The following SYN2 variants were observed in gnomAD, a reference collection of about 807,000 sequenced individuals.
SYN2 encodes the protein synapsin-2.
In SYN2, 19 loss-of-function variants were observed where a neutral mutation model predicts 50.9. The ratio of observed to expected loss-of-function variants is 0.37; its 90% CI spans 0.26 to 0.55. SYN2 has a LOEUF of 0.55. SYN2 is among the 20% of genes least tolerant of loss of function. SYN2 has a pLI of 0.81. For synonymous variants in SYN2, 255 were observed against 224.9 expected (o/e 1.13, Z -1.20); for missense variants, 587 against 576.4 (o/e 1.02, Z -0.19).
In SYN2 at chr3:12,179,332, A is replaced by G. The variant is rs188467040; in HGVS notation, c.1309-3980A>G. Among the ~76,000 whole-genome samples, 478 of 147,502 alleles carry G rather than the reference A, an allele frequency of 3.2e-3. 2 individuals are homozygous for G. Among genetic ancestry groups the G allele is most frequent in the Non-Finnish European group, 5.2e-3 (349 of 66,994 alleles). The stretch of plus-strand genomic sequence containing the variant: ...AGGCTGGTCTGGAACTCTGTAGCTA[A>G]GAAGGGATTGTCTCAGTTCTCACAC... On this transcript the variant is annotated intron_variant, in intron 10 of 12. Coordinates refer to ENST00000621198, the MANE Select transcript of SYN2 (RefSeq NM_133625.6).
chr3:12,105,692 ATTTCAGGAGAACACAGGCAG>A (rs1475222578), intron 1 of SYN2, among the ~76,000 whole-genome samples: 1 of 151,972 alleles, frequency 6.6e-6, no homozygotes, highest in Non-Finnish European at 1.5e-5. Context: ...CTCTCTTAAG[ATTTCAGGAGAACACAGGCAG>A]TTCCAGGAGA....
chr3:12,147,065 G>A (rs912545868), intron 4 of SYN2, among the ~76,000 whole-genome samples: 12 of 152,132 alleles, frequency 7.9e-5, no homozygotes, highest in Admixed American at 3.9e-4. Context: ...GATGCAGTAA[G>A]CCCTTCTTGT....
intron 1 of SYN2, among the ~76,000 whole-genome samples, chr3:12,028,061 TC>T (rs1694303567): frequency 3.5e-5 from 4 of 113,882 alleles, no homozygotes; most frequent in African/African-American, 6.6e-5. Context: ...AGTGTGATAT[TC>T]CCCTTCCTGT....
At chr3:12,153,231 G>T (rs549809998) in intron 5 of SYN2, 1 of 503,986 alleles carries the variant, frequency 2.0e-6, no homozygotes, top group African/African-American at 1.9e-5. Flanking sequence ...GGGGAGGAAA[G>T]GGAATAGTCC....
intron 1 of SYN2, among the ~76,000 whole-genome samples, chr3:12,071,859 G>A (rs1484760520): frequency 1.3e-5 from 2 of 152,194 alleles, no homozygotes; most frequent in African/African-American, 2.4e-5. Context: ...TTTCTTAGCT[G>A]ATGTTTTCCT....
chr3:12,189,495 G>A (rs1698406940), intron 12 of SYN2, among the ~76,000 whole-genome samples: 1 of 152,170 alleles, frequency 6.6e-6, no homozygotes, highest in Non-Finnish European at 1.5e-5. Context: ...TTACAAGGGT[G>A]GTTACTACAT....
At chr3:12,169,281 G>A (rs777458320) in intron 9 of SYN2, among the ~76,000 whole-genome samples, 17 of 152,144 alleles carry the variant, frequency 1.1e-4, no homozygotes, top group Non-Finnish European at 2.5e-4. Context: ...AAAAGGGAGG[G>A]CAACCCAGTT....
rs889926878 is a variant in SYN2 at position 12,185,741 on chromosome 3, T to C, written c.1370-1628T>C. On this transcript the variant is annotated intron_variant, in intron 11 of 12. Coordinates refer to ENST00000621198, the MANE Select transcript of SYN2 (RefSeq NM_133625.6). The stretch of plus-strand genomic sequence containing the variant: ...AGTTATATCTGTCTTCAGTGTTAAG[T>C]TGTAACGTTTCTGGCTATCCAAGTA... 3.0e-6 allele frequency: 3 copies of C among 985,780 alleles called. No individual in the cohort carries two copies. In the African/African-American group the frequency reaches 5.2e-5, roughly 17 times the overall value. 61.1% of individuals were successfully genotyped at this position (985,780 alleles called of 1,614,324 possible).
intron 1 of SYN2, among the ~76,000 whole-genome samples, chr3:12,110,123 G>A (rs1279824929): frequency 2.6e-5 from 4 of 152,214 alleles, no homozygotes; most frequent in Admixed American, 6.5e-5. Flanking sequence ...CAGGGTTCAA[G>A]TGTACAGTGA....
chr3:12,091,292 G>A (rs886546927), intron 1 of SYN2, among the ~76,000 whole-genome samples: 1 of 152,028 alleles, frequency 6.6e-6, no homozygotes, highest in Non-Finnish European at 1.5e-5. Context: ...TCTTATTTAA[G>A]GAGCATGGAG....
intron 1 of SYN2, among the ~76,000 whole-genome samples, chr3:12,037,794 A>G (rs1448048834): frequency 1.3e-5 from 2 of 152,210 alleles, no homozygotes; most frequent in African/African-American, 2.4e-5. Flanking sequence ...TGGGGGACAC[A>G]CTCAAACCAT....
At chr3:12,093,115 G>A (rs932689885) in intron 1 of SYN2, among the ~76,000 whole-genome samples, 8 of 152,082 alleles carry the variant, frequency 5.3e-5, no homozygotes, top group Non-Finnish European at 1.2e-4. Flanking sequence ...TTTCTTTCTA[G>A]CTCCAATATT....
chr3:12,034,738 C>G (rs960388158), intron 1 of SYN2, among the ~76,000 whole-genome samples: 3 of 152,208 alleles, frequency 2.0e-5, no homozygotes, highest in African/African-American at 7.2e-5. Context: ...GAAGGCAGAG[C>G]TTTCATTAGG....
intron 11 of SYN2, chr3:12,184,543 T>C (rs1372554283): frequency 3.4e-5 from 34 of 985,932 alleles, no homozygotes; most frequent in Non-Finnish European, 4.1e-5. Flanking sequence ...CTACAGAACC[T>C]TGAGGTTGAC....
chr3:12,183,387 A>G lies in SYN2; in HGVS notation c.1369+15A>G, dbSNP rs1232845891. 4 of 1,613,790 alleles carry G rather than the reference A, an allele frequency of 2.5e-6. No individual in the cohort carries two copies. Among genetic ancestry groups the G allele is most frequent in the Non-Finnish European group, 1.7e-6 (2 of 1,179,868 alleles). ...ACCCCCTCAAGGTTGTTTACAGTAT[A>G]TTCTCGACTGTAATGGCATTGCAGT... On this transcript the variant is annotated intron_variant, in intron 11 of 12. Coordinates refer to ENST00000621198, the MANE Select transcript of SYN2 (RefSeq NM_133625.6).
chr3:12,105,435 A>G (rs1696164687), intron 1 of SYN2, among the ~76,000 whole-genome samples: 2 of 150,198 alleles, frequency 1.3e-5, no homozygotes, highest in Admixed American at 1.3e-4. Context: ...GAATGATGGA[A>G]TAGGAAGAAA....
At chr3:12,190,401 G>C (rs905805529) in intron 12 of SYN2, 89 bp from the exon 13 acceptor site, 42 of 1,475,088 alleles carry the variant, frequency 2.8e-5, no homozygotes, top group Non-Finnish European at 3.9e-5. Context: ...GGGAGTGGGG[G>C]TTCTAGCTGT....
At chr3:12,124,974 A>T (rs918989258) in intron 1 of SYN2, among the ~76,000 whole-genome samples, 1 of 152,182 alleles carries the variant, frequency 6.6e-6, no homozygotes, top group African/African-American at 2.4e-5. Context: ...TGTATGACAA[A>T]TAATGAAATT....
chr3:12,018,065 T>C (rs151049422), intron 1 of SYN2, among the ~76,000 whole-genome samples: 1 of 152,266 alleles, frequency 6.6e-6, no homozygotes, highest in East Asian at 1.9e-4. Flanking sequence ...ATGAAGGAAT[T>C]AAGGTCTAAG....
Sources: allele counts gnomAD v4.1 joint callset (sites outside exome capture counted in the v4.1 genomes callset), GRCh38; gene constraint gnomAD v4.1.1; transcripts MANE v1.5; gene names NCBI Gene and HGNC (gene_info 2026-07-23, HGNC 2026-07-21).